Variants in CNTN4 observed in about 807,000 individuals in gnomAD.
CNTN4 encodes contactin-4.
In CNTN4, 77 loss-of-function variants were observed where a neutral mutation model predicts 122.5. The ratio of observed to expected loss-of-function variants is 0.63; its 90% CI spans 0.52 to 0.76. The LOEUF (loss-of-function observed/expected upper bound fraction) is 0.76, where lower values mean the gene tolerates loss of function less well. Among genes scored for constraint, CNTN4 ranks in the 30% least tolerant of loss-of-function variants. CNTN4 has a pLI of 0.00. For missense variants in CNTN4, 1,256 were observed against 1,259.1 expected (o/e 1.00, Z 0.04); for synonymous variants, 512 against 447.0 (o/e 1.15, Z -1.83).
intron 2 of CNTN4, among the ~76,000 whole-genome samples, chr3:2,236,867 G>A (rs536811396): frequency 6.6e-6 from 1 of 152,184 alleles, no homozygotes; most frequent in Admixed American, 6.5e-5. Context: ...ATCAAGTAGG[G>A]AGATAGAATG....
chr3:2,360,828 A>G (rs979946633), intron 3 of CNTN4, among the ~76,000 whole-genome samples: 1 of 152,158 alleles, frequency 6.6e-6, no homozygotes, highest in African/African-American at 2.4e-5. Flanking sequence ...CATGGGGATT[A>G]TGGGGATTAC....
intron 4 of CNTN4, among the ~76,000 whole-genome samples, chr3:2,727,825 C>T (rs1269311594): frequency 6.6e-6 from 1 of 152,228 alleles, no homozygotes; most frequent in Non-Finnish European, 1.5e-5. Flanking sequence ...CATACACCAG[C>T]TGTCGGTAGA....
rs149633950 is a variant in CNTN4, at chr3:2,216,966, A to T, written c.-145+116327A>T. ...AGTTTGGGTTTTATTTTATGACTTC[A>T]AATAACTAGACTTCTCTTTTATATT... On this transcript the variant is annotated intron_variant, in intron 2 of 24. Coordinates refer to ENST00000418658, the MANE Select transcript of CNTN4 (RefSeq NM_175607.3). 3.7e-3 allele frequency among the ~76,000 whole-genome samples: 570 copies of T among 152,320 alleles called. 2 individuals are homozygous for T. Among genetic ancestry groups the T allele is most frequent in the Non-Finnish European group, 5.7e-3 (385 of 68,040 alleles).
intron 2 of CNTN4, among the ~76,000 whole-genome samples, chr3:2,322,690 G>A (rs933030149): frequency 6.6e-6 from 1 of 152,134 alleles, no homozygotes; most frequent in African/African-American, 2.4e-5. Flanking sequence ...TTTACATTAT[G>A]TTAGCTCTCC....
At chr3:2,429,880 G>T (rs1257064137) in intron 3 of CNTN4, among the ~76,000 whole-genome samples, 1 of 152,168 alleles carries the variant, frequency 6.6e-6, no homozygotes, top group African/African-American at 2.4e-5. Context: ...GACCCTCCAA[G>T]CCACGCGCGG....
rs185780615 is a variant in CNTN4, at chr3:2,313,955, G to T, written c.-144-25223G>T. ...CATATAAAGTTATTTCTGCCTATAAGAAATATGATTATGCCCTTATTTATA... is the reference window on the plus strand; with the variant it reads ...CATATAAAGTTATTTCTGCCTATAATAAATATGATTATGCCCTTATTTATA... On this transcript the variant is annotated intron_variant, in intron 2 of 24. Transcript: ENST00000418658. Among the ~76,000 whole-genome samples, 317 of 152,042 alleles carry T rather than the reference G, an allele frequency of 2.1e-3. 3 individuals carry two copies. Among genetic ancestry groups the T allele is most frequent in the African/African-American group, 7.3e-3 (303 of 41,514 alleles).
At chr3:2,127,621 G>T (rs2034241606) in intron 2 of CNTN4, among the ~76,000 whole-genome samples, 1 of 151,786 alleles carries the variant, frequency 6.6e-6, no homozygotes, top group East Asian at 1.9e-4. Context: ...TTACACTCCT[G>T]CCAAGAATGC....
In CNTN4 at chr3:2,880,316, A is replaced by C. The variant is rs966312231; in HGVS notation, c.653-2829A>C. On this transcript the variant is annotated intron_variant, in intron 8 of 24. Transcript: ENST00000418658. ...TCTAACACATGATACACTGCAAGGC[A>C]GGCTGTCTTGATTTCCTGGGAAGAC... is the stretch of plus-strand genomic sequence containing the variant. Among the ~76,000 whole-genome samples the C allele has an allele frequency of 4.6e-5, 7 of 152,344 alleles. No individual in the cohort carries two copies. In the East Asian group the frequency reaches 7.7e-4, roughly 17 times the overall value.
At chr3:2,267,575 A>G (rs187563856) in intron 2 of CNTN4, among the ~76,000 whole-genome samples, 1 of 152,232 alleles carries the variant, frequency 6.6e-6, no homozygotes, top group African/African-American at 2.4e-5. Flanking sequence ...ACTTTATAAG[A>G]AAGTGACAAT....
intron 3 of CNTN4, among the ~76,000 whole-genome samples, chr3:2,477,674 G>A (rs1056663013): frequency 2.5e-4 from 38 of 152,178 alleles, no homozygotes; most frequent in African/African-American, 8.7e-4. Flanking sequence ...AAATTCAAAA[G>A]CAAAGAAGTA....
intron 4 of CNTN4, among the ~76,000 whole-genome samples, chr3:2,627,640 C>T (rs953056751): frequency 6.8e-6 from 1 of 147,006 alleles, no homozygotes; most frequent in East Asian, 1.9e-4. Flanking sequence ...AATACAGGTG[C>T]CCGCCACCAC....
intron 2 of CNTN4, among the ~76,000 whole-genome samples, chr3:2,252,478 G>A (rs1022711490): frequency 2.0e-5 from 3 of 151,846 alleles, no homozygotes; most frequent in Non-Finnish European, 4.4e-5. Flanking sequence ...TGTTCTTTTT[G>A]CACTTCCATT....
chr3:2,121,779 G>T (rs935178295), intron 2 of CNTN4, among the ~76,000 whole-genome samples: 1 of 151,930 alleles, frequency 6.6e-6, no homozygotes, highest in Non-Finnish European at 1.5e-5. Context: ...CAAGAAGTAG[G>T]GTCTGATACC....
rs145245634 is a variant in CNTN4, at chr3:2,751,028, G to A, written c.358+5331G>A. On this transcript the variant is annotated intron_variant, in intron 6 of 24. Coordinates refer to ENST00000418658, the MANE Select transcript of CNTN4 (RefSeq NM_175607.3). ...ATTAAAAGGATGCTTATGGCCAGGC[G>A]CGATGGCTCATGCCTATAATTCCAG... Among the ~76,000 whole-genome samples, 358 of 152,234 alleles carry A rather than the reference G, an allele frequency of 2.4e-3. 2 individuals are homozygous for A. The highest frequency in any genetic ancestry group is 7.7e-3 in the African/African-American group (320 of 41,530).
intron 9 of CNTN4, 69 bp from the exon 10 acceptor site, chr3:2,886,971 G>T: frequency 1.5e-6 from 2 of 1,340,730 alleles, no homozygotes; most frequent in Admixed American, 3.8e-5. Context: ...CAAGAAGGAA[G>T]CGTTTAGGTT....
rs1321973829 is a variant in CNTN4 at position 3,026,244 on chromosome 3, C to A, written c.1629C>A (p.Asp543Glu). 6.2e-7 allele frequency: 1 copy of A among 1,613,478 alleles called. No homozygotes were observed. Among genetic ancestry groups the A allele is most frequent in the East Asian group, 2.2e-5 (1 of 44,870 alleles). ...TTAATGGACACCTGATAGACTTTGA[C>A]AGAGATGGGGACCACTTTGAAAGAG... The part of the protein sequence containing the change: ...WSFNGHLIDF[D>E]RDGDHFERVG... The change falls in exon 15 of 25, where the codon GAC (aspartate) becomes GAA (glutamate). Residue 543 changes from aspartate (D) to glutamate (E), a missense_variant. Asp to Glu is a conservative substitution (Grantham distance 45). Coordinates refer to ENST00000418658, the MANE Select transcript of CNTN4 (RefSeq NM_175607.3).
chr3:2,185,083 A>G (rs1159237299), intron 2 of CNTN4, among the ~76,000 whole-genome samples: 1 of 152,166 alleles, frequency 6.6e-6, no homozygotes, highest in Non-Finnish European at 1.5e-5. Context: ...CACCACTCAA[A>G]GACAACTTTG....
Position 2,840,585 on chromosome 3 carries a change from G to A in CNTN4, c.454+21004G>A, listed in dbSNP as rs1384578958. On this transcript the variant is annotated intron_variant, in intron 7 of 24. Transcript: ENST00000418658. ...GCGGTGATGGGCGCCTGTAGTCCCA[G>A]CTACTCGGGAGGCTGAGGCGGGAGA... Among the ~76,000 whole-genome samples, 4 of 83,508 alleles carry A rather than the reference G, an allele frequency of 4.8e-5. 1 individual carries two copies. Among genetic ancestry groups the A allele is most frequent in the African/African-American group, 1.3e-4 (4 of 30,066 alleles). 54.8% of individuals were successfully genotyped at this position (83,508 alleles called of 152,430 possible).
chr3:2,376,411 G>A (rs2150714998), intron 3 of CNTN4, among the ~76,000 whole-genome samples: 1 of 152,266 alleles, frequency 6.6e-6, no homozygotes, highest in East Asian at 1.9e-4. Flanking sequence ...AAGAATTATG[G>A]GAGCACAGAA....
Sources: gnomAD v4.1 joint callset for allele counts (sites outside exome capture counted in the v4.1 genomes callset) on GRCh38, gnomAD v4.1.1 for gene constraint, MANE v1.5 for transcripts, NCBI Gene and HGNC (gene_info 2026-07-23, HGNC 2026-07-21) for gene names.